NSD2: variants seen among roughly 807,000 people sequenced by gnomAD.
NSD2 encodes the protein nuclear receptor binding SET domain protein 2, also known as histone-lysine N-methyltransferase NSD2.
A neutral mutation model predicts 139.0 loss-of-function variants in NSD2; 12 were observed. The observed-to-expected ratio is 0.09, with a 90% CI of 0.06 to 0.14. The LOEUF is 0.14. Ranked by LOEUF, NSD2 falls within the 10% of genes least tolerant of loss-of-function variation. NSD2 has a pLI of 1.00. For missense variants in NSD2, 1,155 were observed against 1,745.0 expected (o/e 0.66, Z 6.02); for synonymous variants, 669 against 648.7 (o/e 1.03, Z -0.48).
chr4:1,976,726 G>T lies in NSD2; in HGVS notation c.3826+47G>T, dbSNP rs1308655042. ...GGCTTGCAGCTGTGTCTGTGTGGCA[G>T]GCTCCTGATGGCGGCTGCTGCCGCT... On this transcript the variant is annotated intron_variant, in intron 21 of 21. Transcript: ENST00000508803. This position sits in a 1 kb window ranked among gnomAD's most constrained non-coding sequence, Gnocchi z 5.3. The T allele has an allele frequency of 2.6e-6, 4 of 1,521,338 alleles. No homozygotes were observed. Among genetic ancestry groups the T allele is most frequent in the Admixed American group, 2.0e-5 (1 of 49,044 alleles). 94.2% of individuals were successfully genotyped at this position (1,521,338 alleles called of 1,614,324 possible). A position where few individuals can be genotyped will look rare whatever the true frequency, so the allele number is the denominator to read the frequency against.
Position 1,976,794 on chromosome 4 carries a change from C to T in NSD2, c.3826+115C>T, listed in dbSNP as rs535373715. The T allele has an allele frequency of 4.3e-4, 485 of 1,136,616 alleles. 2 individuals carry two copies. Among genetic ancestry groups the T allele is most frequent in the South Asian group, 3.8e-4 (24 of 62,642 alleles). 70.4% of individuals were successfully genotyped at this position (1,136,616 alleles called of 1,614,324 possible). ...CTCATCTGGGTGCAGGCACATCAGGCGCTCATGCAGCGAAGGCCCTGATCC... is the reference window on the plus strand; with the variant it reads ...CTCATCTGGGTGCAGGCACATCAGGTGCTCATGCAGCGAAGGCCCTGATCC... On this transcript the variant is annotated intron_variant, in intron 21 of 21. Coordinates refer to ENST00000508803, the MANE Select transcript of NSD2 (RefSeq NM_001042424.3). This position sits in a 1 kb window ranked among gnomAD's most constrained non-coding sequence, Gnocchi z 5.3.
At chr4:1,890,763 T>A (rs1248645966) in intron 1 of NSD2, among the ~76,000 whole-genome samples, 1 of 151,784 alleles carries the variant, frequency 6.6e-6, no homozygotes, top group Non-Finnish European at 1.5e-5. Context: ...CACGCTTGGC[T>A]AATTTTCTAT....
At chr4:1,890,399 C>T (rs1222979207) in intron 1 of NSD2, among the ~76,000 whole-genome samples, 2 of 144,904 alleles carry the variant, frequency 1.4e-5, no homozygotes, top group Non-Finnish European at 3.0e-5. Context: ...CCCGGGTTCA[C>T]GCCATTCTCC....
At chr4:1,891,876 AAAAAAC>A (rs1715592997) in intron 1 of NSD2, among the ~76,000 whole-genome samples, 1 of 151,312 alleles carries the variant, frequency 6.6e-6, no homozygotes, top group Non-Finnish European at 1.5e-5. Flanking sequence ...AAAAAACAAA[AAAAAAC>A]AAACAAAAAC....
intron 19 of NSD2, 104 bp downstream of exon 19, chr4:1,975,108 G>GGTGC: frequency 6.4e-7 from 1 of 1,554,726 alleles, no homozygotes; most frequent in Non-Finnish European, 8.7e-7. Context: ...GGGGGAGGTG[G>GGTGC]GTGCTGATGT....
intron 2 of NSD2, among the ~76,000 whole-genome samples, chr4:1,902,439 G>A (rs1264872537): frequency 6.6e-6 from 1 of 151,880 alleles, no homozygotes; most frequent in Non-Finnish European, 1.5e-5. Flanking sequence ...GCCCAGGCTG[G>A]TCTCAAACCC....
chr4:1,976,486 C>T lies in NSD2; in HGVS notation c.3633C>T (p.Thr1211=). The T allele has an allele frequency of 6.2e-7, 1 of 1,613,540 alleles. No individual in the cohort carries two copies. Among genetic ancestry groups the T allele is most frequent in the Non-Finnish European group, 8.5e-7 (1 of 1,179,814 alleles). The change falls in exon 21 of 22, where the codon ACC becomes ACT. Residue 1211 remains threonine, a synonymous_variant. Coordinates refer to ENST00000508803, the MANE Select transcript of NSD2 (RefSeq NM_001042424.3). This position sits in a 1 kb window ranked among gnomAD's most constrained non-coding sequence, Gnocchi z 5.3. ...FLGDRPKTST[T]LSSEEKGKKT... ...ATTCTTGACTCTAGACCTCGACGAC[C>T]CTTTCATCAGAGGAAAAGGGCAAAA...
intron 7 of NSD2, 22 bp from the exon 8 acceptor site, chr4:1,938,401 CTTTTTTTTTTCTTTCTTTTTTTTTTTTT>C: frequency 1.1e-6 from 1 of 872,424 alleles, no homozygotes; most frequent in South Asian, 3.0e-5. Context: ...TTTTTCTTTT[CTTTTTTTTTTCTTTCTTTTTTTTTTTTT>C]TTTTTTTTTT....
intron 9 of NSD2, chr4:1,944,317 T>C: frequency 2.8e-6 from 3 of 1,066,276 alleles, no homozygotes; most frequent in Non-Finnish European, 3.4e-6. Flanking sequence ...GGAGGACCAT[T>C]GGCTTGCCAA....
At chr4:1,912,871 A>C (rs1718859015) in intron 3 of NSD2, among the ~76,000 whole-genome samples, 1 of 152,084 alleles carries the variant, frequency 6.6e-6, no homozygotes, top group Non-Finnish European at 1.5e-5. Context: ...TGCTTTCCCT[A>C]GTTATTTACA....
intron 1 of NSD2, among the ~76,000 whole-genome samples, chr4:1,894,388 A>G (rs1301609300): frequency 6.6e-6 from 1 of 152,176 alleles, no homozygotes; most frequent in African/African-American, 2.4e-5. Context: ...TCATCTCTGG[A>G]AAATGTTTCA....
intron 17 of NSD2, 53 bp from the exon 18 acceptor site, chr4:1,960,982 C>G: frequency 1.3e-6 from 2 of 1,485,028 alleles, no homozygotes; most frequent in South Asian, 1.2e-5. Flanking sequence ...AGCCCCGACA[C>G]TGAGGATTGG....
At chr4:1,975,056 G>C (rs370770012) in intron 19 of NSD2, 52 bp downstream of exon 19, 1 of 1,611,900 alleles carries the variant, frequency 6.2e-7, no homozygotes, top group South Asian at 1.1e-5. Context: ...GGGCAGAGTG[G>C]CCATCGCTGA....
chr4:1,950,548 G>A (rs1020310075), intron 9 of NSD2, among the ~76,000 whole-genome samples: 7 of 152,342 alleles, frequency 4.6e-5, no homozygotes, highest in African/African-American at 1.2e-4. Context: ...GCACCCCCGC[G>A]TAGGCACATA....
At chr4:1,876,920 G>A (rs962383485) in intron 1 of NSD2, among the ~76,000 whole-genome samples, 4 of 152,110 alleles carry the variant, frequency 2.6e-5, no homozygotes, top group Non-Finnish European at 5.9e-5. Context: ...CAGATCACCT[G>A]AGGTCAGGAG....
chr4:1,964,623 G>A (rs1725688173), intron 18 of NSD2, among the ~76,000 whole-genome samples: 1 of 152,004 alleles, frequency 6.6e-6, no homozygotes, highest in African/African-American at 2.4e-5. Flanking sequence ...AGACAAAGAG[G>A]TGCGCTGCGC....
At chr4:1,940,384 A>C (rs927028764) in intron 9 of NSD2, 3 of 1,063,734 alleles carry the variant, frequency 2.8e-6, no homozygotes, top group Non-Finnish European at 3.4e-6. Context: ...CATGATAGCA[A>C]AATAAAGCCA....
intron 9 of NSD2, chr4:1,946,102 T>A (rs1723598752): frequency 9.7e-7 from 1 of 1,030,128 alleles, no homozygotes; most frequent in Non-Finnish European, 1.2e-6. Flanking sequence ...GGGTAATTGC[T>A]GAGGTGTGCG....
intron 5 of NSD2, among the ~76,000 whole-genome samples, chr4:1,928,584 G>A (rs1018862910): frequency 6.6e-6 from 1 of 152,174 alleles, no homozygotes; most frequent in East Asian, 1.9e-4. Context: ...CGCAGAAGCC[G>A]TCTGTGGTGG....
Sources: allele counts gnomAD v4.1 joint callset (sites outside exome capture counted in the v4.1 genomes callset), GRCh38; gene constraint gnomAD v4.1.1; non-coding constraint Gnocchi (gnomAD v3.1); transcripts MANE v1.5; gene names NCBI Gene and HGNC (gene_info 2026-07-23, HGNC 2026-07-21).